The following USP45 variants were observed in gnomAD, a reference collection of about 807,000 sequenced individuals.
The protein encoded by USP45 is ubiquitin carboxyl-terminal hydrolase 45.
Under a neutral mutation model 95.8 loss-of-function variants are expected in USP45, and 89 were observed. That is an observed-to-expected ratio of 0.93 (90% CI 0.78 to 1.11). USP45 has a LOEUF of 1.11. USP45 is among the 50% of genes least tolerant of loss of function. USP45 has a pLI of 0.00. For missense variants in USP45, 898 were observed against 942.5 expected, an observed-to-expected ratio of 0.95 and a Z score of 0.62; for synonymous variants, 281 against 316.2, an observed-to-expected ratio of 0.89 and a Z score of 1.18.
intron 9 of USP45, among the ~76,000 whole-genome samples, chr6:99,473,397 A>T (rs1442137270): frequency 2.0e-5 from 3 of 151,978 alleles, no homozygotes; most frequent in African/African-American, 2.4e-5. Context: ...AAAAAAAAAA[A>T]TTAGCCAGGC....
chr6:99,490,807 A>G (rs1201884437), intron 5 of USP45, among the ~76,000 whole-genome samples: 1 of 151,802 alleles, frequency 6.6e-6, no homozygotes, highest in African/African-American at 2.4e-5. Flanking sequence ...CCCGAGTGGG[A>G]GTGGCCCTGT....
At chr6:99,464,459 A>G (rs879381783) in intron 13 of USP45, 145 bp downstream of exon 13, 37 of 753,676 alleles carry the variant, frequency 4.9e-5, no homozygotes, top group Middle Eastern at 4.0e-4. Flanking sequence ...TAGTTAGTAT[A>G]CAAGTAGCCA....
At chr6:99,461,553 T>G in intron 13 of USP45, 1 of 985,420 alleles carries the variant, frequency 1.0e-6, no homozygotes. Flanking sequence ...AAAATGCACT[T>G]TTTCAAGGTA....
chr6:99,486,607 T>C lies in USP45; in HGVS notation c.714+1593A>G, dbSNP rs1253535597. Among the ~76,000 whole-genome samples the C allele has an allele frequency of 1.6e-4, 19 of 117,030 alleles. 1 individual carries two copies. The highest frequency in any genetic ancestry group is 3.6e-5 in the African/African-American group (1 of 27,860). The allele number at this position is 117,030 out of a possible 152,430, so 76.8% of individuals were successfully genotyped here. On this transcript the variant is annotated intron_variant, in intron 7 of 17. Coordinates refer to ENST00000500704, the MANE Select transcript of USP45 (RefSeq NM_001346022.3). ...TGGTAAACATTTACATGTAAATATA[T>C]ATATAAAAAGGAGGTTATTATATAT...
At chr6:99,482,496 AT>A in intron 8 of USP45, 4 of 368,466 alleles carry the variant, frequency 1.1e-5, no homozygotes, top group Non-Finnish European at 1.9e-5. Context: ...TCTCCATTTG[AT>A]TCTCAGCTTT....
chr6:99,452,691 G>T (rs1784151445), intron 13 of USP45, among the ~76,000 whole-genome samples: 1 of 152,178 alleles, frequency 6.6e-6, no homozygotes, highest in African/African-American at 2.4e-5. Flanking sequence ...ATACCCAAAA[G>T]ATTATAAATC....
chr6:99,496,413 A>C (rs1485732872), intron 5 of USP45, among the ~76,000 whole-genome samples: 2 of 152,176 alleles, frequency 1.3e-5, no homozygotes, highest in South Asian at 2.1e-4. Flanking sequence ...TTTAAAAAAA[A>C]AAAGATACAG....
At position 99,446,299 on chromosome 6, in the gene USP45, T is replaced by C. The variant is rs1258592287; in HGVS notation, c.1473A>G (p.Glu491=). ...RLNESPTDDS[E]KEASHSESNV... ...TGCTTTCAGAATGGCTGGCTTCTTTTTCACTGTCATCAGTAGGGCTTTCAT... is the reference window on the plus strand; with the variant it reads ...TGCTTTCAGAATGGCTGGCTTCTTTCTCACTGTCATCAGTAGGGCTTTCAT... The change falls in exon 14 of 18, where the codon GAA becomes GAG. Residue 491 remains glutamate, a synonymous_variant. Coordinates refer to ENST00000500704, the MANE Select transcript of USP45 (RefSeq NM_001346022.3). 1.9e-6 allele frequency: 3 copies of C among 1,614,114 alleles called. No individual in the cohort carries two copies. The highest frequency in any genetic ancestry group is 2.5e-6 in the Non-Finnish European group (3 of 1,180,052).
intron 13 of USP45, among the ~76,000 whole-genome samples, chr6:99,453,940 C>A (rs1784455955): frequency 6.6e-6 from 1 of 152,062 alleles, no homozygotes; most frequent in Admixed American, 6.6e-5. Flanking sequence ...GCACTCTGGC[C>A]TTGGCAACAA....
chr6:99,461,044 G>A (rs1000008548), intron 13 of USP45: 1 of 985,220 alleles, frequency 1.0e-6, no homozygotes, highest in African/African-American at 1.7e-5. Flanking sequence ...CAAAGTTCAT[G>A]TAAATTGTAC....
intron 9 of USP45, among the ~76,000 whole-genome samples, chr6:99,475,018 CCT>C (rs1191067373): frequency 2.6e-5 from 4 of 152,126 alleles, no homozygotes; most frequent in Non-Finnish European, 4.4e-5. Flanking sequence ...GGCTGGGACT[CCT>C]CTCTCCTAGC....
chr6:99,442,708 G>A (rs1037054358), intron 15 of USP45, among the ~76,000 whole-genome samples: 3 of 151,518 alleles, frequency 2.0e-5, no homozygotes, highest in African/African-American at 7.3e-5. Context: ...TTAGCTAGGT[G>A]TGGTGGCACA....
At chr6:99,436,255 T>A (rs563795176) in intron 17 of USP45, among the ~76,000 whole-genome samples, 305 of 151,998 alleles carry the variant, frequency 2.0e-3, no homozygotes, top group African/African-American at 6.5e-3. Flanking sequence ...ATAGGTATAA[T>A]TAATAATGCT....
upstream of USP45, among the ~76,000 whole-genome samples, chr6:99,516,057 T>G (rs1801079870): frequency 6.6e-6 from 1 of 152,128 alleles, no homozygotes; most frequent in African/African-American, 2.4e-5. Flanking sequence ...GATCACAGGC[T>G]TGAGCCACCG....
intron 13 of USP45, among the ~76,000 whole-genome samples, chr6:99,449,334 G>C (rs959453403): frequency 6.6e-6 from 1 of 152,036 alleles, no homozygotes; most frequent in African/African-American, 2.4e-5. Flanking sequence ...GATCTACCAA[G>C]CAAATGGAAA....
intron 9 of USP45, among the ~76,000 whole-genome samples, chr6:99,473,330 C>T (rs34353991): frequency 0.15 from 22,293 of 151,468 alleles, 2,357 homozygotes; most frequent in Non-Finnish European, 0.21. Flanking sequence ...ACTTGAGGTC[C>T]GGAGTTCGAA....
chr6:99,450,906 T>A (rs1387680176), intron 13 of USP45, among the ~76,000 whole-genome samples: 1 of 151,992 alleles, frequency 6.6e-6, no homozygotes. Flanking sequence ...ACGTAATCCA[T>A]CATATAAACA....
intron 8 of USP45, among the ~76,000 whole-genome samples, chr6:99,478,625 A>G (rs1474777685): frequency 6.6e-6 from 1 of 152,202 alleles, no homozygotes; most frequent in Non-Finnish European, 1.5e-5. Context: ...TATATGGTGG[A>G]TTGGATAAAG....
At chr6:99,455,095 A>AAC (rs1784738675) in intron 13 of USP45, among the ~76,000 whole-genome samples, 1 of 150,764 alleles carries the variant, frequency 6.6e-6, no homozygotes, top group Admixed American at 6.6e-5. Flanking sequence ...ATCTCAAAAA[A>AAC]AAAAAAACAA....
Sources: allele counts gnomAD v4.1 joint callset (sites outside exome capture counted in the v4.1 genomes callset), GRCh38; gene constraint gnomAD v4.1.1; transcripts MANE v1.5; gene names NCBI Gene and HGNC (gene_info 2026-07-23, HGNC 2026-07-21).